The following DIP2C variants were observed in gnomAD, a reference collection of about 807,000 sequenced individuals.
DIP2C encodes the protein disco-interacting protein 2 homolog C.
Under a neutral mutation model 192.4 loss-of-function variants are expected in DIP2C, and 33 were observed. The ratio of observed to expected loss-of-function variants is 0.17; its 90% confidence interval spans 0.13 to 0.23. The LOEUF (loss-of-function observed/expected upper bound fraction) is 0.23. Ranked by LOEUF, DIP2C falls within the 10% of genes least tolerant of loss-of-function variation. The pLI is 1.00. For missense variants in DIP2C, 1,537 were observed against 2,110.1 expected (o/e 0.73, Z 5.32); for synonymous variants, 979 against 864.1 (o/e 1.13, Z -2.33).
intron 1 of DIP2C, among the ~76,000 whole-genome samples, chr10:494,761 C>T (rs1844694752): frequency 6.6e-6 from 1 of 152,198 alleles, no homozygotes; most frequent in Non-Finnish European, 1.5e-5. Flanking sequence ...AGATGTGGAG[C>T]AAAGGGAACC....
intron 1 of DIP2C, among the ~76,000 whole-genome samples, chr10:639,012 C>G (rs936451065): frequency 2.0e-5 from 3 of 152,252 alleles, no homozygotes; most frequent in Admixed American, 2.0e-4. Flanking sequence ...CGCACACAAT[C>G]CTGGACCCTC....
intron 29 of DIP2C, among the ~76,000 whole-genome samples, chr10:333,728 A>C (rs904138112): frequency 2.0e-5 from 3 of 152,184 alleles, no homozygotes; most frequent in Admixed American, 2.0e-4. Context: ...TCCCACTATC[A>C]ATGTATGAGA....
At chr10:400,507 T>C (rs891706753) in intron 9 of DIP2C, among the ~76,000 whole-genome samples, 22 of 152,252 alleles carry the variant, frequency 1.4e-4, no homozygotes, top group Non-Finnish European at 2.9e-4. Context: ...CTCTTCCTTC[T>C]GGACAAGTTT....
At chr10:564,059 A>C (rs1015992159) in intron 1 of DIP2C, among the ~76,000 whole-genome samples, 2 of 152,236 alleles carry the variant, frequency 1.3e-5, no homozygotes, top group Non-Finnish European at 2.9e-5. Context: ...CCTGAAGTGG[A>C]ATCTGCTAAG....
rs1284995119 is a variant in DIP2C at position 652,869 on chromosome 10, C to T, written c.85+36625G>A. Among the ~76,000 whole-genome samples, 1 of 151,710 alleles carries T rather than the reference C, an allele frequency of 6.6e-6. No homozygotes were observed. The highest frequency in any genetic ancestry group is 1.5e-5 in the Non-Finnish European group (1 of 67,950). On this transcript the variant is annotated intron_variant, in intron 1 of 36. Transcript: ENST00000280886. The surrounding 1 kb of genome is among the most constrained non-coding windows in gnomAD (Gnocchi z 4.5). ...TCTTGACTTTCTTGGGCATTTTCCA[C>T]ACCAGGACAGATGGACCCTGCTCTC...
At chr10:517,363 AG>A (rs1846429191) in intron 1 of DIP2C, among the ~76,000 whole-genome samples, 1 of 152,182 alleles carries the variant, frequency 6.6e-6, no homozygotes, top group Non-Finnish European at 1.5e-5. Context: ...GGAACAAGGG[AG>A]GGGAGTCGAG....
At chr10:485,185 G>C (rs1843922287) in intron 2 of DIP2C, among the ~76,000 whole-genome samples, 1 of 152,242 alleles carries the variant, frequency 6.6e-6, no homozygotes, top group South Asian at 2.1e-4. Context: ...TGTTTGGCAA[G>C]GCAAGAAAGT....
At chr10:449,771 T>A (rs1968678228) in intron 3 of DIP2C, among the ~76,000 whole-genome samples, 2 of 131,002 alleles carry the variant, frequency 1.5e-5, no homozygotes, top group South Asian at 2.3e-4. Context: ...CCCTAAAACT[T>A]AAAGTATAAT....
chr10:335,115 A>G (rs1368187289), intron 29 of DIP2C, among the ~76,000 whole-genome samples: 12 of 152,210 alleles, frequency 7.9e-5, no homozygotes, highest in Admixed American at 7.2e-4. Flanking sequence ...TGTAATCTTA[A>G]AAAATATTTT....
intron 28 of DIP2C, among the ~76,000 whole-genome samples, chr10:342,259 C>A (rs1958187928): frequency 6.6e-6 from 1 of 152,084 alleles, no homozygotes; most frequent in African/African-American, 2.4e-5. Flanking sequence ...CCCAGGTTCA[C>A]ACCATTCTCC....
chr10:580,175 C>G (rs528395895), intron 1 of DIP2C, among the ~76,000 whole-genome samples: 1 of 152,058 alleles, frequency 6.6e-6, no homozygotes, highest in Non-Finnish European at 1.5e-5. Context: ...TACAGCATGC[C>G]TACACATGCG....
intron 3 of DIP2C, among the ~76,000 whole-genome samples, chr10:444,268 A>C (rs1967974059): frequency 6.6e-6 from 1 of 151,376 alleles, no homozygotes; most frequent in African/African-American, 2.5e-5. Flanking sequence ...CTCAAGAGAC[A>C]GCCACCGTTC....
chr10:282,468 C>T (rs1589379517), intron 35 of DIP2C, among the ~76,000 whole-genome samples: 1 of 152,178 alleles, frequency 6.6e-6, no homozygotes, highest in Non-Finnish European at 1.5e-5. Context: ...GTAAGGAAGC[C>T]TTACTGATGT....
intron 17 of DIP2C, among the ~76,000 whole-genome samples, chr10:372,741 C>A (rs1384891476): frequency 6.6e-6 from 1 of 152,134 alleles, no homozygotes. Context: ...CAGGCGGGCA[C>A]AGAAGCACGG....
intron 1 of DIP2C, among the ~76,000 whole-genome samples, chr10:605,671 C>G (rs955003392): frequency 1.3e-5 from 2 of 152,186 alleles, no homozygotes; most frequent in Non-Finnish European, 1.5e-5. Context: ...CCACCTCTGT[C>G]TTAGATATTG....
chr10:418,710 T>C (rs1042329213), intron 6 of DIP2C, among the ~76,000 whole-genome samples: 4 of 152,270 alleles, frequency 2.6e-5, no homozygotes, highest in African/African-American at 9.6e-5. Context: ...CATCTTGCTC[T>C]TCTAAGTGAC....
intron 14 of DIP2C, among the ~76,000 whole-genome samples, chr10:386,892 G>A (rs2132920810): frequency 6.6e-6 from 1 of 152,272 alleles, no homozygotes; most frequent in Admixed American, 6.5e-5. Context: ...GCTTTTAAGG[G>A]CCAGGCCCAC....
intron 1 of DIP2C, among the ~76,000 whole-genome samples, chr10:587,465 C>T (rs1851134498): frequency 6.6e-6 from 1 of 152,224 alleles, no homozygotes; most frequent in African/African-American, 2.4e-5. Flanking sequence ...ATGTGAAATC[C>T]AGGTCATTTA....
At chr10:621,357 G>A (rs990072675) in intron 1 of DIP2C, among the ~76,000 whole-genome samples, 5 of 149,926 alleles carry the variant, frequency 3.3e-5, no homozygotes, top group Admixed American at 6.6e-5. Flanking sequence ...ACATGCTCAC[G>A]AGTCTGTGCC....
Sources: gnomAD v4.1 joint callset for allele counts (sites outside exome capture counted in the v4.1 genomes callset) on GRCh38, gnomAD v4.1.1 for gene constraint, Gnocchi (gnomAD v3.1) non-coding constraint, MANE v1.5 for transcripts, NCBI Gene and HGNC (gene_info 2026-07-23, HGNC 2026-07-21) for gene names.